The following SP100 variants were observed in gnomAD, a reference collection of about 807,000 sequenced individuals.
SP100 encodes the protein SP100 nuclear body protein.
SP100 carries 84 observed loss-of-function variants against 130.0 expected under a neutral mutation model. The observed-to-expected ratio is 0.65, with a 90% CI of 0.54 to 0.77. The LOEUF (loss-of-function observed/expected upper bound fraction) is 0.77. SP100 is among the 30% of genes least tolerant of loss of function. SP100 has a pLI of 0.00. For synonymous variants in SP100, 331 were observed against 351.7 expected, an observed-to-expected ratio of 0.94 and a Z score of 0.66; for missense variants, 978 against 1,052.2, an observed-to-expected ratio of 0.93 and a Z score of 0.97.
rs767092216 is a variant in SP100, at chr2:230,419,026, C to T, written c.107+1361C>T. Among the ~76,000 whole-genome samples the T allele has an allele frequency of 4.7e-4, 72 of 152,310 alleles. 1 individual carries two copies. Among genetic ancestry groups the T allele is most frequent in the South Asian group, 1.7e-3 (8 of 4,830 alleles). On this transcript the variant is annotated intron_variant, in intron 2 of 28. Coordinates refer to ENST00000340126, the MANE Select transcript of SP100 (RefSeq NM_001080391.2). ...ATCTTTACATTCACGAGACTTCCAT[C>T]TCATGAATATGGTTTATGTATATTA...
rs148754327 is a variant in SP100, at chr2:230,430,889, T to C, written c.108-12048T>C. On this transcript the variant is annotated intron_variant, in intron 2 of 28. Coordinates refer to ENST00000340126, the MANE Select transcript of SP100 (RefSeq NM_001080391.2). Reference sequence around the variant, plus strand: ...AGGGTTAGAGACCATACTCTGTAGTTAGGCAGGGTGGCTGGCTTGATTACC... The same window carrying C: ...AGGGTTAGAGACCATACTCTGTAGTCAGGCAGGGTGGCTGGCTTGATTACC... Among the ~76,000 whole-genome samples, 793 of 152,354 alleles carry C rather than the reference T, an allele frequency of 5.2e-3. 3 individuals are homozygous for C. Among genetic ancestry groups the C allele is most frequent in the Non-Finnish European group, 0.01 (681 of 68,022 alleles).
Position 230,511,183 on chromosome 2 carries a change from G to T in SP100, c.2094+17G>T. 2 of 1,584,194 alleles carry T rather than the reference G, an allele frequency of 1.3e-6. No individual in the cohort carries two copies. Among genetic ancestry groups the T allele is most frequent in the South Asian group, 2.2e-5 (2 of 90,462 alleles). On this transcript the variant is annotated intron_variant, in intron 24 of 28. Coordinates refer to ENST00000340126, the MANE Select transcript of SP100 (RefSeq NM_001080391.2). The stretch of plus-strand genomic sequence containing the variant: ...GACCCTTGTGTAAGTATAAATTTCC[G>T]ACTATGACCCCAAAATAAGTCAGGC...
chr2:230,506,162 C>G, intron 21 of SP100, 141 bp from the exon 22 acceptor site: 2 of 750,498 alleles, frequency 2.7e-6, no homozygotes, highest in Non-Finnish European at 4.4e-6. Flanking sequence ...GGGTATGAAG[C>G]CCCTGATATC....
rs141457627 is a variant in SP100, at chr2:230,431,038, C to G, written c.108-11899C>G. 4.5e-3 allele frequency among the ~76,000 whole-genome samples: 684 copies of G among 152,324 alleles called. 5 individuals carry two copies. The highest frequency in any genetic ancestry group is 0.016 in the African/African-American group (655 of 41,574). ...CTGGGCTGCTGGCTAGGCACCCAAGCTACTTAGAACTGCTGACCATGCTAC... is the reference window on the plus strand; with the variant it reads ...CTGGGCTGCTGGCTAGGCACCCAAGGTACTTAGAACTGCTGACCATGCTAC... On this transcript the variant is annotated intron_variant, in intron 2 of 28. Coordinates refer to ENST00000340126, the MANE Select transcript of SP100 (RefSeq NM_001080391.2).
chr2:230,504,382 TGCAAAACCAGCC>T (rs2067204836), intron 21 of SP100, 92 bp downstream of exon 21: 1 of 681,522 alleles, frequency 1.5e-6, no homozygotes, highest in Non-Finnish European at 2.5e-6. Context: ...TTTGAGGTTC[TGCAAAACCAGCC>T]CCAGGCTTGA....
intron 25 of SP100, 107 bp from the exon 26 acceptor site, chr2:230,540,769 C>T: frequency 2.1e-6 from 3 of 1,403,868 alleles, no homozygotes; most frequent in Non-Finnish European, 2.9e-6. Context: ...AAGTTGGATA[C>T]AAGGTGGAAA....
At chr2:230,416,946 T>C (rs1462372121) in intron 1 of SP100, 3 of 948,668 alleles carry the variant, frequency 3.2e-6, no homozygotes, top group South Asian at 4.9e-5. Context: ...GGGATACCTC[T>C]GACCAGAAAA....
chr2:230,494,278 G>T, intron 17 of SP100, 138 bp from the exon 18 acceptor site: 3 of 684,028 alleles, frequency 4.4e-6, no homozygotes, highest in South Asian at 1.6e-5. Context: ...ACCAAGATGG[G>T]ATGTTGGTGG....
chr2:230,515,185 A>G (rs767864029), intron 24 of SP100: 1 of 1,613,420 alleles, frequency 6.2e-7, no homozygotes, highest in African/African-American at 1.3e-5. Flanking sequence ...CATTTTTGCT[A>G]AAGAGAAAGG....
At chr2:230,500,432 A>G (rs1319640136) in intron 19 of SP100, among the ~76,000 whole-genome samples, 1 of 152,170 alleles carries the variant, frequency 6.6e-6, no homozygotes, top group African/African-American at 2.4e-5. Flanking sequence ...TTTTGCCCTG[A>G]AGTTGTTTGC....
intron 21 of SP100, among the ~76,000 whole-genome samples, chr2:230,505,536 C>T (rs150094581): frequency 2.6e-5 from 4 of 152,184 alleles, no homozygotes; most frequent in South Asian, 4.2e-4. Flanking sequence ...AAAATCAGAA[C>T]AATAATATAA....
At chr2:230,469,484 AGC>A (rs768460536) in intron 14 of SP100, 40 of 463,740 alleles carry the variant, frequency 8.6e-5, no homozygotes, top group African/African-American at 7.9e-4. Context: ...AAGCCTAAGA[AGC>A]GTAAGAAACA....
chr2:230,450,121 G>T (rs1045517621), intron 7 of SP100, 51 bp from the exon 8 acceptor site: 1 of 1,336,666 alleles, frequency 7.5e-7, no homozygotes, highest in Non-Finnish European at 1.1e-6. Flanking sequence ...AATGGAAACA[G>T]GACAGAGCAA....
chr2:230,535,752 C>A (rs566315616), intron 24 of SP100, among the ~76,000 whole-genome samples: 11 of 151,194 alleles, frequency 7.3e-5, no homozygotes, highest in Admixed American at 6.6e-4. Flanking sequence ...ACTAAAAATA[C>A]AAAAATTAGC....
intron 8 of SP100, among the ~76,000 whole-genome samples, chr2:230,451,534 T>G (rs964553670): frequency 6.6e-6 from 1 of 152,270 alleles, no homozygotes; most frequent in East Asian, 1.9e-4. Flanking sequence ...CCTTATGTAT[T>G]TTGGATAATA....
intron 2 of SP100, among the ~76,000 whole-genome samples, chr2:230,421,963 T>C (rs891324560): frequency 1.3e-5 from 2 of 152,180 alleles, no homozygotes; most frequent in African/African-American, 4.8e-5. Context: ...CTTTTATCTT[T>C]TGGAATTCCT....
intron 2 of SP100, among the ~76,000 whole-genome samples, chr2:230,429,530 C>T (rs2063038430): frequency 6.6e-6 from 1 of 152,206 alleles, no homozygotes; most frequent in South Asian, 2.1e-4. Context: ...CATTACTTCT[C>T]TAAATGTACT....
intron 24 of SP100, among the ~76,000 whole-genome samples, chr2:230,521,267 C>T (rs902363139): frequency 2.6e-5 from 4 of 152,186 alleles, no homozygotes; most frequent in Admixed American, 2.6e-4. Flanking sequence ...CTTGAGCCCC[C>T]CAGTTTTGAA....
chr2:230,444,407 A>AC, intron 4 of SP100, 61 bp downstream of exon 4: 1 of 1,325,716 alleles, frequency 7.5e-7, no homozygotes, highest in Admixed American at 1.8e-5. Context: ...ATAAGTATAT[A>AC]CTGATCTCCT....
Sources: allele counts gnomAD v4.1 joint callset (sites outside exome capture counted in the v4.1 genomes callset), GRCh38; gene constraint gnomAD v4.1.1; transcripts MANE v1.5; gene names NCBI Gene and HGNC (gene_info 2026-07-23, HGNC 2026-07-21).